Variants in CEP70 observed in about 807,000 individuals in gnomAD.
CEP70 encodes centrosomal protein 70, also known as centrosomal protein of 70 kDa.
Under a neutral mutation model 90.9 loss-of-function variants are expected in CEP70, and 70 were observed. The ratio of observed to expected loss-of-function variants is 0.77; its 90% CI spans 0.64 to 0.94. CEP70 has a LOEUF of 0.94. Among genes scored for constraint, CEP70 ranks in the 40% least tolerant of loss-of-function variants. The pLI, the probability that CEP70 is intolerant of heterozygous loss-of-function variation, is 0.00. For missense variants in CEP70, 648 were observed against 669.0 expected (o/e 0.97, Z 0.35); for synonymous variants, 220 against 228.3 (o/e 0.96, Z 0.33).
chr3:138,524,089 A>T lies in CEP70; in HGVS notation c.944+1401T>A, dbSNP rs1302746863. Among the ~76,000 whole-genome samples the T allele has an allele frequency of 2.2e-5, 3 of 136,622 alleles. 1 individual carries two copies. The highest frequency in any genetic ancestry group is 4.6e-5 in the Non-Finnish European group (3 of 64,552). The allele number at this position is 136,622 out of a possible 152,430, so 89.6% of individuals were successfully genotyped here. On this transcript the variant is annotated intron_variant, in intron 11 of 17. Coordinates refer to ENST00000264982, the MANE Select transcript of CEP70 (RefSeq NM_024491.4). ...AATGCCACATATCAACAACCATCTG[A>T]TCTTTGACAAACCTGACAAAAACAA...
At chr3:138,527,960 A>T (rs1388566555) in intron 10 of CEP70, among the ~76,000 whole-genome samples, 3 of 151,240 alleles carry the variant, frequency 2.0e-5, no homozygotes, top group Admixed American at 6.6e-5. Context: ...TACCTTACAT[A>T]TATGCAGTGT....
chr3:138,544,341 G>C (rs1447078734), intron 6 of CEP70, among the ~76,000 whole-genome samples: 1 of 137,934 alleles, frequency 7.2e-6, no homozygotes, highest in Non-Finnish European at 1.5e-5. Flanking sequence ...AGTTAGAATG[G>C]CTATTACTCA....
chr3:138,522,390 A>G (rs1035271468), intron 11 of CEP70, among the ~76,000 whole-genome samples: 21 of 152,162 alleles, frequency 1.4e-4, no homozygotes, highest in East Asian at 3.9e-4. Context: ...AACTGAAGGA[A>G]ATAGAGACAC....
At chr3:138,563,611 G>A (rs1289690123) in intron 6 of CEP70, among the ~76,000 whole-genome samples, 6 of 152,126 alleles carry the variant, frequency 3.9e-5, no homozygotes, top group African/African-American at 7.2e-5. Flanking sequence ...GGTAAACAAC[G>A]AAATGAAAGC....
chr3:138,584,632 T>C (rs1405719185), intron 2 of CEP70, among the ~76,000 whole-genome samples: 2 of 152,030 alleles, frequency 1.3e-5, no homozygotes, highest in Non-Finnish European at 2.9e-5. Context: ...GAAAGGATGA[T>C]TCAACATATG....
At chr3:138,539,381 T>G (rs2038562409) in intron 6 of CEP70, among the ~76,000 whole-genome samples, 1 of 152,136 alleles carries the variant, frequency 6.6e-6, no homozygotes, top group Non-Finnish European at 1.5e-5. Context: ...TTCTTCCTAA[T>G]CCCTGTCTGC....
At chr3:138,507,780 G>A (rs1305271274) in intron 12 of CEP70, among the ~76,000 whole-genome samples, 6 of 152,134 alleles carry the variant, frequency 3.9e-5, no homozygotes, top group Non-Finnish European at 5.9e-5. Flanking sequence ...ATTCTGCTGT[G>A]ATAATAACCA....
At chr3:138,573,081 T>C (rs1216006402) in intron 2 of CEP70, 149 bp from the exon 3 acceptor site, 3 of 612,648 alleles carry the variant, frequency 4.9e-6, no homozygotes, top group African/African-American at 1.8e-5. Context: ...CATTCCTGCG[T>C]CAAAACTTTG....
intron 10 of CEP70, among the ~76,000 whole-genome samples, chr3:138,526,478 T>C (rs2037265580): frequency 6.6e-6 from 1 of 152,144 alleles, no homozygotes; most frequent in South Asian, 2.1e-4. Context: ...ATAAGCTTAT[T>C]GAGAACAGGA....
intron 6 of CEP70, among the ~76,000 whole-genome samples, chr3:138,558,167 C>A (rs112222262): frequency 4.4e-4 from 67 of 152,318 alleles, no homozygotes; most frequent in African/African-American, 1.6e-3. Flanking sequence ...GAGTTCGAGA[C>A]TAGCCTGGCC....
intron 2 of CEP70, among the ~76,000 whole-genome samples, chr3:138,581,694 CAAAAAA>C (rs35064874): frequency 1.3e-5 from 1 of 79,354 alleles, no homozygotes; most frequent in South Asian, 4.5e-4. Flanking sequence ...AAACTTGTCT[CAAAAAA>C]AAAAAAAAAA....
At chr3:138,498,790 G>T (rs1237725071) in intron 16 of CEP70, among the ~76,000 whole-genome samples, 1 of 151,598 alleles carries the variant, frequency 6.6e-6, no homozygotes, top group African/African-American at 2.4e-5. Context: ...GCTCATGCCT[G>T]TAATCCCAGC....
chr3:138,516,176 A>C (rs900608041), intron 11 of CEP70, among the ~76,000 whole-genome samples: 2 of 152,068 alleles, frequency 1.3e-5, no homozygotes, highest in African/African-American at 4.8e-5. Context: ...CCCTTCATGT[A>C]ATCTCTATGA....
Position 138,525,613 on chromosome 3 carries a change from C to T in CEP70, c.870-49G>A. On this transcript the variant is annotated intron_variant, in intron 10 of 17. Transcript: ENST00000264982. ...ATTAATTCAATTTACTGAATAAAAG[C>T]ATAAAGGTACTTAAATATTAACGAC... 3 of 846,586 alleles carry T rather than the reference C, an allele frequency of 3.5e-6. No homozygotes were observed. The South Asian group carries it at 9.2e-5, about 26-fold the overall frequency. The allele number at this position is 846,586 out of a possible 1,614,324, so 52.4% of individuals were successfully genotyped here.
intron 6 of CEP70, among the ~76,000 whole-genome samples, chr3:138,538,568 A>G (rs181392570): frequency 8.9e-4 from 135 of 152,312 alleles, no homozygotes; most frequent in Non-Finnish European, 1.6e-3. Flanking sequence ...CAGACAGTGA[A>G]AACTGAAATA....
intron 6 of CEP70, among the ~76,000 whole-genome samples, chr3:138,540,956 G>A (rs1263385488): frequency 6.6e-6 from 1 of 152,188 alleles, no homozygotes; most frequent in Non-Finnish European, 1.5e-5. Context: ...CATGGATGGA[G>A]CTGAACGGCA....
intron 6 of CEP70, among the ~76,000 whole-genome samples, chr3:138,551,989 A>G (rs2039656374): frequency 6.6e-6 from 1 of 152,204 alleles, no homozygotes. Flanking sequence ...AAGACATTCC[A>G]TGCAAATGGA....
In CEP70 at chr3:138,494,837, G is replaced by A; in HGVS notation, c.*178C>T. ...TACCTTACCCTTGCAACTATTTTCT[G>A]TATAAGAATCTCAAAGTTAATAAAA... On this transcript the variant is annotated 3_prime_UTR_variant, in exon 18 of 18. Coordinates refer to ENST00000264982, the MANE Select transcript of CEP70 (RefSeq NM_024491.4). 2.1e-6 allele frequency: 1 copy of A among 487,668 alleles called. No homozygotes were observed. The highest frequency in any genetic ancestry group is 3.7e-6 in the Non-Finnish European group (1 of 273,260). The allele number at this position is 487,668 out of a possible 1,614,324, so 30.2% of individuals were successfully genotyped here.
intron 14 of CEP70, 25 bp from the exon 15 acceptor site, chr3:138,500,592 A>G: frequency 6.4e-7 from 1 of 1,564,542 alleles, no homozygotes; most frequent in East Asian, 2.2e-5. Context: ...GGTAAAAAAG[A>G]AAGAGTTCAT....
Sources: gnomAD v4.1 joint callset for allele counts (sites outside exome capture counted in the v4.1 genomes callset) on GRCh38, gnomAD v4.1.1 for gene constraint, MANE v1.5 for transcripts, NCBI Gene and HGNC (gene_info 2026-07-23, HGNC 2026-07-21) for gene names.